Variants in FLNB observed in about 807,000 individuals in gnomAD.
FLNB encodes filamin B, also known as filamin-B.
In FLNB, 111 loss-of-function variants were observed where a neutral mutation model predicts 250.6. The ratio of observed to expected loss-of-function variants is 0.44; its 90% CI spans 0.38 to 0.52. FLNB has a LOEUF of 0.52. Ranked by LOEUF, FLNB falls within the 20% of genes least tolerant of loss-of-function variation. The probability of loss-of-function intolerance (pLI) is 0.00; values close to 1 mark genes in which losing one functional copy is unlikely to be tolerated. For missense variants in FLNB, 2,869 were observed against 3,447.8 expected, an observed-to-expected ratio of 0.83 and a Z score of 4.20; for synonymous variants, 1,302 against 1,372.1, an observed-to-expected ratio of 0.95 and a Z score of 1.13.
At chr3:58,076,425 C>CA (rs2097201757) in intron 1 of FLNB, among the ~76,000 whole-genome samples, 1 of 152,122 alleles carries the variant, frequency 6.6e-6, no homozygotes, top group Admixed American at 6.5e-5. Context: ...GGGATGCAGT[C>CA]ACTCCTTTTT....
At chr3:58,034,865 G>A (rs1324444255) in intron 1 of FLNB, among the ~76,000 whole-genome samples, 2 of 152,258 alleles carry the variant, frequency 1.3e-5, no homozygotes, top group Non-Finnish European at 2.9e-5. Flanking sequence ...CCTCCCAGAG[G>A]AAGAAGGCGG....
intron 3 of FLNB, among the ~76,000 whole-genome samples, chr3:58,080,376 G>A (rs1559678647): frequency 6.6e-6 from 1 of 152,162 alleles, no homozygotes; most frequent in African/African-American, 2.4e-5. Context: ...GCTGTTTAGG[G>A]CTGGGTCAGA....
At chr3:58,081,568 A>G (rs2097209292) in intron 3 of FLNB, 61 bp from the exon 4 acceptor site, 1 of 1,535,692 alleles carries the variant, frequency 6.5e-7, no homozygotes, top group East Asian at 2.2e-5. Flanking sequence ...GCATTTGCAA[A>G]CACTTCAATA....
intron 10 of FLNB, among the ~76,000 whole-genome samples, chr3:58,104,491 G>A (rs2097256291): frequency 6.6e-6 from 1 of 152,234 alleles, no homozygotes; most frequent in African/African-American, 2.4e-5. Context: ...AGGGGCCAAG[G>A]GACGCAGTCT....
rs771977986 is a variant in FLNB at position 58,035,906 on chromosome 3, C to CT, written c.292+27053dup. 3.3e-5 allele frequency among the ~76,000 whole-genome samples: 5 copies of CT among 152,196 alleles called. No individual in the cohort carries two copies. The East Asian group carries it at 7.7e-4, about 23-fold the overall frequency. On this transcript the variant is annotated intron_variant, in intron 1 of 45. Transcript: ENST00000295956. ...TGGGAAAGATTTTTATTGGAATTAA[C>CT]TTTCTACAGAGATGTACTTTCAAAT...
intron 1 of FLNB, among the ~76,000 whole-genome samples, chr3:58,042,771 T>G (rs1576625148): frequency 1.3e-5 from 2 of 152,164 alleles, no homozygotes; most frequent in African/African-American, 4.8e-5. Context: ...CTCTCTCCTT[T>G]GCCTCCAGCC....
chr3:58,148,592 C>T, intron 35 of FLNB, 57 bp from the exon 36 acceptor site: 3 of 1,466,794 alleles, frequency 2.0e-6, no homozygotes, highest in South Asian at 2.3e-5. Flanking sequence ...GAGTGTGTCT[C>T]TCTCCTGCTT....
At chr3:58,125,811 G>C in intron 23 of FLNB, 68 bp downstream of exon 23, 1 of 1,459,080 alleles carries the variant, frequency 6.9e-7, no homozygotes. Flanking sequence ...TATGTGTCAT[G>C]GTTTCCTAAC....
chr3:58,073,700 G>A (rs938688347), intron 1 of FLNB, among the ~76,000 whole-genome samples: 9 of 151,966 alleles, frequency 5.9e-5, no homozygotes, highest in African/African-American at 1.7e-4. Context: ...CGGGTCTCAC[G>A]AGACTACAAG....
chr3:58,118,045 C>T (rs1034220823), intron 18 of FLNB, among the ~76,000 whole-genome samples: 1 of 152,116 alleles, frequency 6.6e-6, no homozygotes, highest in African/African-American at 2.4e-5. Context: ...TTTCTTGGAG[C>T]CTCGATTTGG....
At position 58,169,660 on chromosome 3, in the gene FLNB, G is replaced by A. The variant is rs539241620; in HGVS notation, c.7488G>A (p.Ser2496=). ...SSILVESVTR[S]STETCYSAIP... ...TCCTGGTGGAGTCAGTGACCAGGTC[G>A]TCTACAGAGACCTGCTATAGCGCCA... The change falls in exon 45 of 46, where the codon TCG becomes TCA. Residue 2496 remains serine (S), a synonymous_variant. Transcript: ENST00000295956. This position sits in a 1 kb window ranked among gnomAD's most constrained non-coding sequence, Gnocchi z 4.8. 134 of 1,613,928 alleles carry A rather than the reference G, an allele frequency of 8.3e-5. 1 individual carries two copies. The South Asian group carries it at 1.0e-3, about 12-fold the overall frequency.
intron 42 of FLNB, 195 bp from the exon 43 acceptor site, chr3:58,162,959 G>A (rs1430873339): frequency 6.3e-6 from 4 of 632,192 alleles, no homozygotes; most frequent in Admixed American, 4.6e-5. Flanking sequence ...ATGTGGATGC[G>A]TTTCCCTTGG....
At chr3:58,165,781 G>A (rs1478783897) in intron 43 of FLNB, 2 of 152,084 alleles carry the variant, frequency 1.3e-5, no homozygotes, top group East Asian at 3.9e-4. Flanking sequence ...GTGTGCTCGG[G>A]GTATACCAGA....
chr3:58,100,619 A>C (rs2097249427), intron 8 of FLNB, among the ~76,000 whole-genome samples: 1 of 126,108 alleles, frequency 7.9e-6, no homozygotes. Flanking sequence ...TTGTTTTGAG[A>C]CAGAGTCTCA....
At chr3:58,014,178 T>G (rs2097102612) in intron 1 of FLNB, among the ~76,000 whole-genome samples, 1 of 152,252 alleles carries the variant, frequency 6.6e-6, no homozygotes, top group South Asian at 2.1e-4. Context: ...CGGAAAGGTT[T>G]GCACACTGAA....
In FLNB at chr3:58,027,215, C is replaced by T. The variant is rs558925033; in HGVS notation, c.292+18359C>T. On this transcript the variant is annotated intron_variant, in intron 1 of 45. Coordinates refer to ENST00000295956, the MANE Select transcript of FLNB (RefSeq NM_001457.4). ...TCACCCAGTCTGGAGTGCAGTGGCG[C>T]GATCTCGGCTCACCACAACCTCCGC... is the stretch of plus-strand genomic sequence containing the variant. Among the ~76,000 whole-genome samples, 352 of 151,926 alleles carry T rather than the reference C, an allele frequency of 2.3e-3. 1 individual carries two copies. The highest frequency in any genetic ancestry group is 3.2e-3 in the Non-Finnish European group (216 of 67,916).
chr3:58,058,485 C>T (rs991773259), intron 1 of FLNB, among the ~76,000 whole-genome samples: 9 of 152,144 alleles, frequency 5.9e-5, no homozygotes, highest in African/African-American at 1.9e-4. Flanking sequence ...AGCTGGTTTT[C>T]GCCCAAATTC....
At chr3:58,024,963 G>A (rs1487484494) in intron 1 of FLNB, among the ~76,000 whole-genome samples, 5 of 148,898 alleles carry the variant, frequency 3.4e-5, no homozygotes, top group Admixed American at 2.0e-4. Flanking sequence ...TGCCCGCCTC[G>A]GCCTCCCAAA....
At chr3:58,161,225 TGAGA>T (rs1196901438) in intron 42 of FLNB, among the ~76,000 whole-genome samples, 1 of 151,536 alleles carries the variant, frequency 6.6e-6, no homozygotes, top group East Asian at 1.9e-4. Flanking sequence ...CTATAGAGAG[TGAGA>T]GAGAGAATCC....
Sources: allele counts gnomAD v4.1 joint callset (sites outside exome capture counted in the v4.1 genomes callset), GRCh38; gene constraint gnomAD v4.1.1; non-coding constraint Gnocchi (gnomAD v3.1); transcripts MANE v1.5; gene names NCBI Gene and HGNC (gene_info 2026-07-23, HGNC 2026-07-21).